The following ROBO3 variants were observed in gnomAD, a reference collection of about 807,000 sequenced individuals.
ROBO3 encodes roundabout homolog 3.
In ROBO3, 97 loss-of-function variants were observed where a neutral mutation model predicts 160.5. That is an observed-to-expected ratio of 0.60 (90% CI 0.51 to 0.72). The LOEUF is 0.72. Ranked by LOEUF, ROBO3 falls within the 30% of genes least tolerant of loss-of-function variation. ROBO3 has a pLI of 0.00. For synonymous variants in ROBO3, 780 were observed against 746.2 expected (o/e 1.05, Z -0.74); for missense variants, 1,858 against 1,846.5 (o/e 1.01, Z -0.11).
Position 124,868,375 on chromosome 11 carries a change from ACGGTTTAT to A in ROBO3, c.161-426_161-419del, listed in dbSNP as rs1443993197. On this transcript the variant is annotated intron_variant, in intron 1 of 27. Transcript: ENST00000397801. The stretch of plus-strand genomic sequence containing the variant: ...AAGAACAAACTGTTGGCTCCAGTGC[ACGGTTTAT>A]GGTCTTTCACTGAGCAAGGACGATC... 622 of 390,702 alleles carry A rather than the reference ACGGTTTAT, an allele frequency of 1.6e-3. 3 individuals carry two copies. Among genetic ancestry groups the A allele is most frequent in the South Asian group, 3.9e-3 (99 of 25,568 alleles). 24.2% of individuals were successfully genotyped at this position (390,702 alleles called of 1,614,324 possible).
At chr11:124,868,454 AG>A (rs1946232115) in intron 1 of ROBO3, 1 of 581,316 alleles carries the variant, frequency 1.7e-6, no homozygotes, top group Non-Finnish European at 3.1e-6. Context: ...GCAGGAGGCG[AG>A]GGAGCGGTCT....
intron 1 of ROBO3, among the ~76,000 whole-genome samples, chr11:124,866,226 G>A (rs1946194420): frequency 6.6e-6 from 1 of 152,214 alleles, no homozygotes. Flanking sequence ...TGCTACGGAG[G>A]GGATAGGGGC....
At chr11:124,877,491 T>C (rs1460943354) in intron 19 of ROBO3, 28 bp from the exon 20 acceptor site, 3 of 1,599,378 alleles carry the variant, frequency 1.9e-6, no homozygotes, top group South Asian at 2.2e-5. Context: ...AGGCTCTCCG[T>C]CCCCAACGCT....
Position 124,877,181 on chromosome 11 carries a change from G to C in ROBO3, c.2800G>C (p.Ala934Pro), listed in dbSNP as rs761103058. Residue 934 changes from alanine (A) to proline (P), a missense_variant, in exon 18 of 28, where the codon GCA (alanine) becomes CCA (proline). Physicochemically the swap from Ala to Pro is conservative, Grantham distance 27. Transcript: ENST00000397801. The part of the protein sequence containing the change: ...HYTASFAYTP[A>P]VSFPHSEGLS... ...GGAAGCCTCTTTTGCCTACACACCGGCAGGTAAGCCATCTCTGCCCCAGTG... is the reference window on the plus strand; with the variant it reads ...GGAAGCCTCTTTTGCCTACACACCGCCAGGTAAGCCATCTCTGCCCCAGTG... The C allele has an allele frequency of 1.9e-6, 3 of 1,613,884 alleles. No homozygotes were observed. In the Admixed American group the frequency reaches 5.0e-5, roughly 27 times the overall value.
Position 124,876,463 on chromosome 11 carries a change from G to A in ROBO3, c.2779+3G>A. ...CAAAGAGCTCAGCCACTACACGGGT[G>A]AGCTCCCGGCCTCGGAGCGGACGGA... On this transcript the variant is annotated splice_donor_region_variant and intron_variant, in intron 17 of 27. Transcript: ENST00000397801. The surrounding 1 kb of genome is among the most constrained non-coding windows in gnomAD (Gnocchi z 5.3). 3 of 1,396,070 alleles carry A rather than the reference G, an allele frequency of 2.1e-6. No individual in the cohort carries two copies. Among genetic ancestry groups the A allele is most frequent in the Non-Finnish European group, 2.8e-6 (3 of 1,079,370 alleles). 86.5% of individuals were successfully genotyped at this position (1,396,070 alleles called of 1,614,324 possible). A position where few individuals can be genotyped will look rare whatever the true frequency, so the allele number is the denominator to read the frequency against.
In ROBO3 at chr11:124,869,528, C is replaced by T. The variant is rs1211453572; in HGVS notation, c.566C>T (p.Pro189Leu). 3.8e-6 allele frequency: 6 copies of T among 1,559,030 alleles called. No homozygotes were observed. Among genetic ancestry groups the T allele is most frequent in the Admixed American group, 1.9e-5 (1 of 52,162 alleles). The change falls in exon 3 of 28, where the codon CCC becomes CTC. Residue 189 changes from proline to leucine, a missense_variant. Physicochemically the swap from Pro to Leu is moderately conservative, Grantham distance 98 (BLOSUM62 -3). Transcript: ENST00000397801. This position sits in a 1 kb window ranked among gnomAD's most constrained non-coding sequence, Gnocchi z 4.2. Reference sequence around the variant, plus strand: ...GAGCCAGCAGTACTGGAATGCGTGCCCCCCCGCGGCCACCCGGAGCCTTCC... The same window carrying T: ...GAGCCAGCAGTACTGGAATGCGTGCTCCCCCGCGGCCACCCGGAGCCTTCC... ...VGEPAVLECVPPRGHPEPSVS... is the reference protein window; with the variant it reads ...VGEPAVLECVLPRGHPEPSVS...
rs1216415901 is a variant in ROBO3 at position 124,879,480 on chromosome 11, G to A, written c.3701G>A (p.Gly1234Glu). ...ASSAPGRTWQGNGEMTPPLQG... is the reference protein window; with the variant it reads ...ASSAPGRTWQENGEMTPPLQG... ...AACACTGCAGGCAGAACCTGGCAGG[G>A]GAATGGGGAGATGACTCCCCCACTT... Residue 1234 changes from glycine (G) to glutamate (E), a missense_variant, in exon 25 of 28, where the codon GGG becomes GAG. By Grantham distance (98) the Gly-to-Glu change is moderately conservative. Coordinates refer to ENST00000397801, the MANE Select transcript of ROBO3 (RefSeq NM_022370.4). The A allele has an allele frequency of 6.2e-7, 1 of 1,613,722 alleles. No individual in the cohort carries two copies. Among genetic ancestry groups the A allele is most frequent in the East Asian group, 2.2e-5 (1 of 44,888 alleles).
chr11:124,870,682 G>A lies in ROBO3; in HGVS notation c.987G>A (p.Glu329=), dbSNP rs1357550481. The A allele has an allele frequency of 6.2e-7, 1 of 1,613,012 alleles. No individual in the cohort carries two copies. The highest frequency in any genetic ancestry group is 2.2e-5 in the East Asian group (1 of 44,862). The part of the protein sequence containing the change: ...EDEGTYTCVA[E]NSVGRAEASG... ...AGGGAACGTACACCTGTGTGGCGGAGAACAGTGTGGGCCGCGCTGAAGCAT... is the reference window on the plus strand; with the variant it reads ...AGGGAACGTACACCTGTGTGGCGGAAAACAGTGTGGGCCGCGCTGAAGCAT... The change falls in exon 6 of 28, where the codon GAG becomes GAA. Residue 329 remains glutamate (E), a synonymous_variant. Coordinates refer to ENST00000397801, the MANE Select transcript of ROBO3 (RefSeq NM_022370.4).
In ROBO3 at chr11:124,878,482, C is replaced by T. The variant is rs541182637; in HGVS notation, c.3320+46C>T. On this transcript the variant is annotated intron_variant, in intron 22 of 27. Coordinates refer to ENST00000397801, the MANE Select transcript of ROBO3 (RefSeq NM_022370.4). This position sits in a 1 kb window ranked among gnomAD's most constrained non-coding sequence, Gnocchi z 4.3. The stretch of plus-strand genomic sequence containing the variant: ...CAGGCCCACACACCTGCGGCCAGAC[C>T]ATGGGCTGCTGGGGAGGAAGGGGAG... 3.1e-6 allele frequency: 5 copies of T among 1,605,522 alleles called. No individual in the cohort carries two copies. The Admixed American group carries it at 8.4e-5, about 27-fold the overall frequency.
Position 124,871,112 on chromosome 11 carries a change from A to C in ROBO3, c.1132A>C (p.Ile378Leu), listed in dbSNP as rs1199240173. The C allele has an allele frequency of 5.0e-6, 8 of 1,613,356 alleles. No individual in the cohort carries two copies. Among genetic ancestry groups the C allele is most frequent in the Non-Finnish European group, 6.8e-6 (8 of 1,179,566 alleles). The change falls in exon 7 of 28, where the codon ATC becomes CTC. Residue 378 changes from isoleucine to leucine, a missense_variant. Ile to Leu is a conservative substitution (Grantham distance 5). Transcript: ENST00000397801. ...GACCAAAGGAAACCCCCCACCTGCCATCTTCTGGCAGAAGGAGGGGAGTCA... is the reference window on the plus strand; with the variant it reads ...GACCAAAGGAAACCCCCCACCTGCCCTCTTCTGGCAGAAGGAGGGGAGTCA... ...CETKGNPPPA[I>L]FWQKEGSQVL... is the part of the protein sequence containing the mutation.
chr11:124,879,957 G>A lies in ROBO3; in HGVS notation c.3958+9G>A. 1 of 1,555,412 alleles carries A rather than the reference G, an allele frequency of 6.4e-7. No homozygotes were observed. Among genetic ancestry groups the A allele is most frequent in the East Asian group, 2.4e-5 (1 of 41,856 alleles). Reference sequence around the variant, plus strand: ...GGTGCTCCACCCAGATGGTAAGCAGGGCCAGGGCAGGCAGGAGGGCTGCTG... The same window carrying A: ...GGTGCTCCACCCAGATGGTAAGCAGAGCCAGGGCAGGCAGGAGGGCTGCTG... On this transcript the variant is annotated intron_variant, in intron 26 of 27. Transcript: ENST00000397801.
chr11:124,877,835 T>TG (rs1231361126), intron 20 of ROBO3, 102 bp from the exon 21 acceptor site: 2 of 1,164,102 alleles, frequency 1.7e-6, no homozygotes, highest in African/African-American at 1.5e-5. Context: ...AAGGCTTGTG[T>TG]GGGGGAAGAA....
Position 124,869,312 on chromosome 11 carries a change from AG to A in ROBO3, c.488-136del, listed in dbSNP as rs1946246616. ...CAGAGAAGGAAGTGGATCTGACTCC[AG>A]GCTGATATTTTCTCACCTGGGAACG... On this transcript the variant is annotated intron_variant, in intron 2 of 27. Coordinates refer to ENST00000397801, the MANE Select transcript of ROBO3 (RefSeq NM_022370.4). This position sits in a 1 kb window ranked among gnomAD's most constrained non-coding sequence, Gnocchi z 4.2. 2 of 1,101,658 alleles carry A rather than the reference AG, an allele frequency of 1.8e-6. No individual in the cohort carries two copies. Among genetic ancestry groups the A allele is most frequent in the Non-Finnish European group, 2.7e-6 (2 of 740,326 alleles). The allele number at this position is 1,101,658 out of a possible 1,614,324, so 68.2% of individuals were successfully genotyped here.
intron 7 of ROBO3, among the ~76,000 whole-genome samples, chr11:124,871,592 A>C (rs117107362): frequency 0.014 from 2,141 of 152,348 alleles, 27 homozygotes; most frequent in Middle Eastern, 0.041. Context: ...AGGAGAGCTC[A>C]CAGTCATCCC....
Position 124,880,626 on chromosome 11 carries a change from C to T in ROBO3, c.4149+18C>T, listed in dbSNP as rs2135351629. 3 of 1,515,072 alleles carry T rather than the reference C, an allele frequency of 2.0e-6. No homozygotes were observed. Among genetic ancestry groups the T allele is most frequent in the Non-Finnish European group, 1.8e-6 (2 of 1,133,274 alleles). The allele number at this position is 1,515,072 out of a possible 1,614,324, so 93.9% of individuals were successfully genotyped here. On this transcript the variant is annotated intron_variant, in intron 27 of 27. Coordinates refer to ENST00000397801, the MANE Select transcript of ROBO3 (RefSeq NM_022370.4). ...GCCGAGAGGTAGGGGCCATAGATTG[C>T]AGAAAAATGAGGGCAGAGGACTAGG... is the stretch of plus-strand genomic sequence containing the variant.
In ROBO3 at chr11:124,873,750, G is replaced by A. The variant is rs748175605; in HGVS notation, c.1672G>A (p.Ala558Thr). 2 of 1,613,812 alleles carry A rather than the reference G, an allele frequency of 1.2e-6. No homozygotes were observed. The highest frequency in any genetic ancestry group is 1.7e-6 in the Non-Finnish European group (2 of 1,179,822). ...TACAGAACCCAGTTCCCCTCCGGGGGCTCCCTCTCAGCCAGTGGTCACTGA... is the reference window on the plus strand; with the variant it reads ...TACAGAACCCAGTTCCCCTCCGGGGACTCCCTCTCAGCCAGTGGTCACTGA... The part of the protein sequence containing the change: ...PPTEPSSPPG[A>T]PSQPVVTEIT... Residue 558 changes from alanine (A) to threonine (T), a missense_variant, in exon 11 of 28, where the codon GCT (alanine) becomes ACT (threonine). Ala to Thr is a moderately conservative substitution (Grantham distance 58). Transcript: ENST00000397801. This position sits in a 1 kb window ranked among gnomAD's most constrained non-coding sequence, Gnocchi z 4.5.
At position 124,873,282 on chromosome 11, in the gene ROBO3, T is replaced by G. The variant is rs1447703205; in HGVS notation, c.1537-28T>G. On this transcript the variant is annotated intron_variant, in intron 9 of 27. Coordinates refer to ENST00000397801, the MANE Select transcript of ROBO3 (RefSeq NM_022370.4). The surrounding 1 kb of genome is among the most constrained non-coding windows in gnomAD (Gnocchi z 4.5). Reference sequence around the variant, plus strand: ...TCACTGGATCTTGCTCCACTCTCAGTTTGCCAGTGCTCTGCCCTCTCTTCC... The same window carrying G: ...TCACTGGATCTTGCTCCACTCTCAGGTTGCCAGTGCTCTGCCCTCTCTTCC... 1 of 1,589,590 alleles carries G rather than the reference T, an allele frequency of 6.3e-7. No homozygotes were observed. Among genetic ancestry groups the G allele is most frequent in the East Asian group, 2.3e-5 (1 of 44,132 alleles).
Position 124,875,936 on chromosome 11 carries a change from G to A in ROBO3, c.2422-18G>A. 2 of 1,586,580 alleles carry A rather than the reference G, an allele frequency of 1.3e-6. No homozygotes were observed. Among genetic ancestry groups the A allele is most frequent in the Non-Finnish European group, 1.7e-6 (2 of 1,166,562 alleles). The stretch of plus-strand genomic sequence containing the variant: ...GAATCCCATTTCTGACTCTAAATCC[G>A]GGACTCGGCCTCCCTAGATCTGGTG... On this transcript the variant is annotated intron_variant, in intron 15 of 27. Transcript: ENST00000397801.
chr11:124,877,859 G>C, intron 20 of ROBO3, 78 bp from the exon 21 acceptor site: 1 of 1,223,028 alleles, frequency 8.2e-7, no homozygotes. Flanking sequence ...GATCCCGTGG[G>C]ATTTCCCTTT....
Sources: gnomAD v4.1 joint callset for allele counts (sites outside exome capture counted in the v4.1 genomes callset) on GRCh38, gnomAD v4.1.1 for gene constraint, Gnocchi (gnomAD v3.1) non-coding constraint, MANE v1.5 for transcripts, NCBI Gene and HGNC (gene_info 2026-07-23, HGNC 2026-07-21) for gene names.